The following IL17RB variants were observed in gnomAD, a reference collection of about 807,000 sequenced individuals.
IL17RB encodes the protein interleukin 17 receptor B.
IL17RB carries 36 observed loss-of-function variants against 43.9 expected under a neutral mutation model. That is an observed-to-expected ratio of 0.82 (90% CI 0.63 to 1.08). The LOEUF (loss-of-function observed/expected upper bound fraction) is 1.08. Among genes scored for constraint, IL17RB ranks in the 50% least tolerant of loss-of-function variants. The probability of loss-of-function intolerance (pLI) is 0.00; values close to 1 mark genes in which losing one functional copy is unlikely to be tolerated. For synonymous variants in IL17RB, 225 were observed against 225.4 expected (o/e 1.00, Z 0.02); for missense variants, 613 against 613.6 (o/e 1.00, Z 0.01).
intron 5 of IL17RB, among the ~76,000 whole-genome samples, chr3:53,853,682 C>T (rs1181068549): frequency 6.6e-6 from 1 of 150,702 alleles, no homozygotes; most frequent in Non-Finnish European, 1.5e-5. Context: ...CCGAGTCACC[C>T]ATCCCATACC....
At chr3:53,852,726 C>A in intron 4 of IL17RB, 145 bp from the exon 5 acceptor site, 1 of 647,106 alleles carries the variant, frequency 1.5e-6, no homozygotes, top group South Asian at 2.1e-5. Context: ...TGTTTAGTGC[C>A]CATTCCCTAA....
Position 53,864,797 on chromosome 3 carries a change from A to T in IL17RB, c.998A>T (p.Lys333Met), listed in dbSNP as rs1699722105. ...ACCACCACACTACTGCCCCCCATTA[A>T]GGTTCTTGTGGTTTACCCATCTGAA... ...FSTTTLLPPI[K>M]VLVVYPSEIC... The change falls in exon 11 of 11, where the codon AAG becomes ATG. Residue 333 changes from lysine (K) to methionine (M), a missense_variant. By Grantham distance (95) the Lys-to-Met change is moderately conservative. Coordinates refer to ENST00000288167, the MANE Select transcript of IL17RB (RefSeq NM_018725.4). 6.2e-7 allele frequency: 1 copy of T among 1,613,962 alleles called. No homozygotes were observed. Among genetic ancestry groups the T allele is most frequent in the Non-Finnish European group, 8.5e-7 (1 of 1,179,980 alleles).
At chr3:53,862,088 T>C (rs148806257) in intron 10 of IL17RB, among the ~76,000 whole-genome samples, 310 of 152,306 alleles carry the variant, frequency 2.0e-3, no homozygotes, top group African/African-American at 6.6e-3. Context: ...CTGGATTGGT[T>C]CCACTGATGC....
intron 8 of IL17RB, chr3:53,858,021 G>C (rs1699410673): frequency 6.7e-6 from 2 of 297,250 alleles, no homozygotes; most frequent in Admixed American, 4.3e-5. Context: ...CAAAGGGTTT[G>C]AAATGGGAAG....
intron 8 of IL17RB, chr3:53,858,488 G>A: frequency 7.2e-7 from 1 of 1,385,046 alleles, no homozygotes; most frequent in Non-Finnish European, 9.4e-7. Flanking sequence ...TTAGTAACGT[G>A]TACAAAGTTT....
chr3:53,852,340 C>G (rs955816529), intron 4 of IL17RB, among the ~76,000 whole-genome samples: 1 of 152,034 alleles, frequency 6.6e-6, no homozygotes, highest in Non-Finnish European at 1.5e-5. Flanking sequence ...GGGGTTTCAC[C>G]GTGTTGCTGG....
Position 53,852,878 on chromosome 3 carries a change from T to C in IL17RB, c.362T>C (p.Phe121Ser). The C allele has an allele frequency of 6.2e-7, 1 of 1,613,918 alleles. No individual in the cohort carries two copies. The highest frequency in any genetic ancestry group is 8.5e-7 in the Non-Finnish European group (1 of 1,179,804). ...CCTTGCTTTGCCTTTCAGTGGACAT[T>C]TTCCTACATCGGCTTCCCTGTAGAG... Reference protein sequence around the residue: ...QTRPSGGKWTFSYIGFPVELN... With the variant: ...QTRPSGGKWTSSYIGFPVELN... The change falls in exon 5 of 11, where the codon TTT (phenylalanine) becomes TCT (serine). Residue 121 changes from phenylalanine to serine, a missense_variant. By Grantham distance (155) the Phe-to-Ser change is radical. Transcript: ENST00000288167.
intron 10 of IL17RB, 52 bp downstream of exon 10, chr3:53,860,280 ATT>A: frequency 2.0e-6 from 3 of 1,471,574 alleles, no homozygotes; most frequent in Non-Finnish European, 2.8e-6. Context: ...AACATTTTGA[ATT>A]TTTTTTTAAA....
intron 10 of IL17RB, among the ~76,000 whole-genome samples, chr3:53,863,095 AT>A (rs143149408): frequency 0.013 from 2,040 of 152,192 alleles, 41 homozygotes; most frequent in African/African-American, 0.045. Context: ...TTTTAATTAC[AT>A]TTTTTTCTCT....
Position 53,865,083 on chromosome 3 carries a change from C to G in IL17RB, c.1284C>G (p.Asn428Lys), listed in dbSNP as rs1301217760. The G allele has an allele frequency of 1.2e-6, 2 of 1,614,138 alleles. No individual in the cohort carries two copies. The highest frequency in any genetic ancestry group is 2.2e-5 in the South Asian group (2 of 91,084). ...AAGACCTCTTCCCCCTTGCCTTTAA[C>G]CTTTTCTGCAGTGATCTAAGAAGCC... ...NSQDLFPLAF[N>K]LFCSDLRSQI... The change falls in exon 11 of 11, where the codon AAC (asparagine) becomes AAG (lysine). Residue 428 changes from asparagine to lysine, a missense_variant. Transcript: ENST00000288167.
chr3:53,864,593 G>A (rs1699710709), intron 10 of IL17RB, among the ~76,000 whole-genome samples, 153 bp from the exon 11 acceptor site: 2 of 152,152 alleles, frequency 1.3e-5, no homozygotes, highest in South Asian at 4.1e-4. Flanking sequence ...TGTTCAAAAG[G>A]AACATCAGGA....
chr3:53,846,791 C>A, intron 1 of IL17RB, 143 bp downstream of exon 1: 1 of 835,082 alleles, frequency 1.2e-6, no homozygotes, highest in Non-Finnish European at 1.8e-6. Flanking sequence ...TCAGGGCAGC[C>A]CCGGACATCG....
chr3:53,855,271 A>C (rs1307730729), intron 5 of IL17RB, 23 bp from the exon 6 acceptor site: 1 of 1,579,844 alleles, frequency 6.3e-7, no homozygotes, highest in East Asian at 2.2e-5. Context: ...CTAAAATGTA[A>C]AAACTTTCAT....
At chr3:53,862,909 C>T (rs748741958) in intron 10 of IL17RB, among the ~76,000 whole-genome samples, 5 of 152,110 alleles carry the variant, frequency 3.3e-5, no homozygotes, top group Non-Finnish European at 4.4e-5. Context: ...TACACTGAGG[C>T]GCCCACCTCT....
At chr3:53,850,903 T>C (rs141787948) in intron 3 of IL17RB, among the ~76,000 whole-genome samples, 320 of 152,326 alleles carry the variant, frequency 2.1e-3, no homozygotes, top group African/African-American at 7.2e-3. Context: ...GGGAGTTTCT[T>C]AACCTGCATA....
At chr3:53,848,277 C>A (rs545466397) in intron 1 of IL17RB, among the ~76,000 whole-genome samples, 1 of 152,304 alleles carries the variant, frequency 6.6e-6, no homozygotes, top group African/African-American at 2.4e-5. Flanking sequence ...CTGGGGTAGC[C>A]CAGTAAATAC....
chr3:53,858,823 G>C lies in IL17RB; in HGVS notation c.847+5G>C, dbSNP rs200944310. On this transcript the variant is annotated splice_donor_5th_base_variant and intron_variant, in intron 9 of 10. Coordinates refer to ENST00000288167, the MANE Select transcript of IL17RB (RefSeq NM_018725.4). ...TCCCTTTCCCTCTGGATAACAGTAA[G>C]TGCCCAGTAACTTCAACCAGATGAT... The C allele has an allele frequency of 1.2e-6, 2 of 1,609,068 alleles. No homozygotes were observed. The highest frequency in any genetic ancestry group is 4.5e-5 in the East Asian group (2 of 44,852).
intron 6 of IL17RB, 105 bp downstream of exon 6, chr3:53,855,446 T>A: frequency 1.3e-6 from 1 of 763,832 alleles, no homozygotes; most frequent in South Asian, 1.7e-5. Flanking sequence ...TAGGGGAGAG[T>A]TGAATATCCA....
rs1239745283 is a variant in IL17RB at position 53,864,803 on chromosome 3, T to C, written c.1004T>C (p.Leu335Pro). ...ACACTACTGCCCCCCATTAAGGTTCTTGTGGTTTACCCATCTGAAATATGT... is the reference window on the plus strand; with the variant it reads ...ACACTACTGCCCCCCATTAAGGTTCCTGTGGTTTACCCATCTGAAATATGT... Reference protein sequence around the residue: ...TTTLLPPIKVLVVYPSEICFH... With the variant: ...TTTLLPPIKVPVVYPSEICFH... Residue 335 changes from leucine to proline, a missense_variant, in exon 11 of 11, where the codon CTT becomes CCT. Leu to Pro is a moderately conservative substitution (Grantham distance 98, BLOSUM62 -3). Transcript: ENST00000288167. The C allele has an allele frequency of 6.2e-7, 1 of 1,614,128 alleles. No individual in the cohort carries two copies. The highest frequency in any genetic ancestry group is 1.1e-5 in the South Asian group (1 of 91,090).
Sources: allele counts gnomAD v4.1 joint callset (sites outside exome capture counted in the v4.1 genomes callset), GRCh38; gene constraint gnomAD v4.1.1; transcripts MANE v1.5; gene names NCBI Gene and HGNC (gene_info 2026-07-23, HGNC 2026-07-21).